The following INPP4B variants were observed in gnomAD, a reference collection of about 807,000 sequenced individuals.
INPP4B encodes the protein inositol polyphosphate 4-phosphatase type II.
Under a neutral mutation model 122.5 loss-of-function variants are expected in INPP4B, and 55 were observed. The observed-to-expected ratio is 0.45, with a 90% CI of 0.36 to 0.56. The LOEUF (loss-of-function observed/expected upper bound fraction) is 0.56. Among genes scored for constraint, INPP4B ranks in the 20% least tolerant of loss-of-function variants. INPP4B has a pLI of 0.00. For missense variants in INPP4B, 1,000 were observed against 1,097.7 expected (o/e 0.91, Z 1.26); for synonymous variants, 403 against 388.7 (o/e 1.04, Z -0.43).
chr4:142,621,338 T>C (rs1477315685), intron 2 of INPP4B, among the ~76,000 whole-genome samples: 1 of 151,830 alleles, frequency 6.6e-6, no homozygotes, highest in Non-Finnish European at 1.5e-5. Flanking sequence ...TAGAAAATTA[T>C]ATCTGTTTAG....
At chr4:142,657,330 G>A (rs1249253278) in intron 2 of INPP4B, among the ~76,000 whole-genome samples, 2 of 152,150 alleles carry the variant, frequency 1.3e-5, no homozygotes, top group Non-Finnish European at 2.9e-5. Flanking sequence ...GTGTTTTGAG[G>A]TTACAAACTG....
chr4:142,765,224 T>C (rs554360005), intron 1 of INPP4B, among the ~76,000 whole-genome samples: 4 of 152,204 alleles, frequency 2.6e-5, no homozygotes, highest in Admixed American at 6.5e-5. Context: ...AATGAAGATA[T>C]TGAAGCTTTT....
chr4:142,036,519 T>A (rs900598343), intron 25 of INPP4B, among the ~76,000 whole-genome samples: 4 of 152,178 alleles, frequency 2.6e-5, no homozygotes, highest in Admixed American at 1.3e-4. Flanking sequence ...TTTGAAAATA[T>A]CTTAGAATGG....
chr4:142,416,049 T>C (rs1050608958), intron 5 of INPP4B, among the ~76,000 whole-genome samples: 1 of 151,982 alleles, frequency 6.6e-6, no homozygotes, highest in Non-Finnish European at 1.5e-5. Flanking sequence ...ATATACCTAA[T>C]GCTAAATGAT....
chr4:142,467,371 A>G (rs1054662832), intron 2 of INPP4B, among the ~76,000 whole-genome samples: 3 of 152,126 alleles, frequency 2.0e-5, no homozygotes, highest in Admixed American at 2.0e-4. Flanking sequence ...AGGTCAAAGG[A>G]GATTGTTTTG....
chr4:142,829,673 C>T (rs1250872827), intron 1 of INPP4B, among the ~76,000 whole-genome samples: 2 of 152,124 alleles, frequency 1.3e-5, no homozygotes, highest in Admixed American at 6.6e-5. Flanking sequence ...GAGCAATATC[C>T]TCAAAGTGCT....
intron 2 of INPP4B, among the ~76,000 whole-genome samples, chr4:142,579,227 T>C (rs1262774312): frequency 6.6e-6 from 1 of 151,998 alleles, no homozygotes; most frequent in Non-Finnish European, 1.5e-5. Flanking sequence ...ATGTGAGTTA[T>C]AAAAAGTGAT....
intron 1 of INPP4B, among the ~76,000 whole-genome samples, chr4:142,741,683 G>T (rs1345928766): frequency 6.6e-6 from 1 of 151,972 alleles, no homozygotes; most frequent in Non-Finnish European, 1.5e-5. Context: ...CAACTTCAGA[G>T]AGGGACTTAA....
At chr4:142,775,899 A>G (rs894494809) in intron 1 of INPP4B, among the ~76,000 whole-genome samples, 2 of 152,148 alleles carry the variant, frequency 1.3e-5, no homozygotes, top group Admixed American at 6.6e-5. Context: ...AAGAGTTTTT[A>G]TGATAAATGA....
chr4:142,487,697 T>C (rs1821375440), intron 2 of INPP4B, among the ~76,000 whole-genome samples: 1 of 152,168 alleles, frequency 6.6e-6, no homozygotes, highest in East Asian at 1.9e-4. Flanking sequence ...GGGGATGTTA[T>C]TATAAACAAT....
chr4:142,066,809 A>T (rs1467422124), intron 25 of INPP4B, among the ~76,000 whole-genome samples: 1 of 152,200 alleles, frequency 6.6e-6, no homozygotes, highest in Non-Finnish European at 1.5e-5. Context: ...TTCAGTAGGT[A>T]AACAAAGCAG....
At chr4:142,813,852 G>A (rs953212995) in intron 1 of INPP4B, among the ~76,000 whole-genome samples, 4 of 152,016 alleles carry the variant, frequency 2.6e-5, no homozygotes, top group Admixed American at 6.6e-5. Flanking sequence ...ATTCTTAACC[G>A]AAATTTGAGT....
intron 21 of INPP4B, among the ~76,000 whole-genome samples, chr4:142,118,545 A>C (rs1794936187): frequency 6.6e-6 from 1 of 152,200 alleles, no homozygotes; most frequent in Non-Finnish European, 1.5e-5. Flanking sequence ...AAATGGGGAA[A>C]GGATTCCCTA....
At chr4:142,046,176 A>G (rs1394530172) in intron 25 of INPP4B, among the ~76,000 whole-genome samples, 1 of 152,140 alleles carries the variant, frequency 6.6e-6, no homozygotes, top group East Asian at 1.9e-4. Flanking sequence ...ACTATTGCAT[A>G]ATAAGAAAAA....
chr4:142,397,871 C>T (rs1206404946), intron 7 of INPP4B, among the ~76,000 whole-genome samples: 1 of 151,490 alleles, frequency 6.6e-6, no homozygotes, highest in Non-Finnish European at 1.5e-5. Flanking sequence ...AAAAAAAGTG[C>T]TTTGAAACTA....
At chr4:142,613,671 T>G (rs1743056092) in intron 2 of INPP4B, among the ~76,000 whole-genome samples, 1 of 152,226 alleles carries the variant, frequency 6.6e-6, no homozygotes, top group African/African-American at 2.4e-5. Flanking sequence ...GAGAAATGTT[T>G]AAATCATTTA....
chr4:142,279,432 A>G (rs1190327206), intron 9 of INPP4B, among the ~76,000 whole-genome samples: 1 of 151,862 alleles, frequency 6.6e-6, no homozygotes, highest in African/African-American at 2.4e-5. Flanking sequence ...GGACAGACAA[A>G]CTGACAAATA....
chr4:142,758,532 C>A (rs1037831823), intron 1 of INPP4B, among the ~76,000 whole-genome samples: 1 of 152,162 alleles, frequency 6.6e-6, no homozygotes, highest in Non-Finnish European at 1.5e-5. Context: ...AAAAGGGACA[C>A]TTGCCCTCAA....
intron 1 of INPP4B, among the ~76,000 whole-genome samples, chr4:142,818,657 G>A (rs1219043173): frequency 5.9e-5 from 9 of 151,976 alleles, no homozygotes; most frequent in South Asian, 2.1e-4. Context: ...CTCCTGCCCC[G>A]ATCCGTGTAG....
Sources: gnomAD v4.1 joint callset for allele counts (sites outside exome capture counted in the v4.1 genomes callset) on GRCh38, gnomAD v4.1.1 for gene constraint, MANE v1.5 for transcripts, NCBI Gene and HGNC (gene_info 2026-07-23, HGNC 2026-07-21) for gene names.